AKAP9: variants seen among roughly 807,000 people sequenced by gnomAD.
AKAP9 encodes the protein A-kinase anchoring protein 9, also known as A-kinase anchor protein 9.
A neutral mutation model predicts 488.5 loss-of-function variants in AKAP9; 311 were observed. The ratio of observed to expected loss-of-function variants is 0.64; its 90% CI spans 0.58 to 0.70. The LOEUF is 0.70. Among genes scored for constraint, AKAP9 ranks in the 30% least tolerant of loss-of-function variants. AKAP9 has a pLI of 0.00. For missense variants in AKAP9, 4,215 were observed against 4,374.5 expected, an observed-to-expected ratio of 0.96 and a Z score of 1.03; for synonymous variants, 1,462 against 1,483.5, an observed-to-expected ratio of 0.99 and a Z score of 0.33.
chr7:91,959,120 A>G (rs1793404586), intron 1 of AKAP9, among the ~76,000 whole-genome samples: 1 of 152,096 alleles, frequency 6.6e-6, no homozygotes, highest in Non-Finnish European at 1.5e-5. Context: ...CCTGGGCTTA[A>G]GCAATATGCC....
rs1209178568 is a variant in AKAP9 at position 91,981,864 on chromosome 7, G to A, written c.351+1531G>A. On this transcript the variant is annotated intron_variant, in intron 3 of 49. Coordinates refer to ENST00000356239, the MANE Select transcript of AKAP9 (RefSeq NM_005751.5). Reference sequence around the variant, plus strand: ...CATGATCTACCCACCTCTGCCTCCCGAAGTGCTGGGATTACAGGTGTAAGC... The same window carrying A: ...CATGATCTACCCACCTCTGCCTCCCAAAGTGCTGGGATTACAGGTGTAAGC... Among the ~76,000 whole-genome samples the A allele has an allele frequency of 2.6e-5, 4 of 151,852 alleles. No individual in the cohort carries two copies. In the South Asian group the frequency reaches 8.3e-4, roughly 32 times the overall value.
chr7:92,083,254 A>G lies in AKAP9; in HGVS notation c.8245A>G (p.Ile2749Val). ...CGCAGAGGCAAAAGAGAAATTGTCC[A>G]TTTTAGAAAAAGAAGATGAGACTGA... ...HLAEAKEKLS[I>V]LEKEDETEVQ... Residue 2749 changes from isoleucine (I) to valine (V), a missense_variant, in exon 33 of 50, where the codon ATT (isoleucine) becomes GTT (valine). Physicochemically the swap from Ile to Val is conservative, Grantham distance 29. Around this residue, in one of 5 missense-constraint regions of AKAP9, gnomAD observed 1,476 missense variants for 1,477.4 expected, o/e 1.00. Transcript: ENST00000356239. 2.5e-6 allele frequency: 4 copies of G among 1,614,194 alleles called. No homozygotes were observed. Among genetic ancestry groups the G allele is most frequent in the African/African-American group, 1.3e-5 (1 of 75,062 alleles).
At chr7:92,052,374 G>T (rs2130804065) in intron 21 of AKAP9, among the ~76,000 whole-genome samples, 1 of 152,236 alleles carries the variant, frequency 6.6e-6, no homozygotes, top group African/African-American at 2.4e-5. Context: ...AAGGGTTGGA[G>T]CCAGATCTTG....
intron 2 of AKAP9, among the ~76,000 whole-genome samples, chr7:91,977,321 C>T (rs1046559084): frequency 2.3e-4 from 35 of 152,046 alleles, no homozygotes; most frequent in African/African-American, 7.7e-4. Flanking sequence ...CTTTGGGAGG[C>T]CAAGGCGGGC....
intron 39 of AKAP9, 69 bp from the exon 40 acceptor site, chr7:92,094,954 T>C (rs2130896147): frequency 6.8e-7 from 1 of 1,475,734 alleles, no homozygotes; most frequent in East Asian, 2.3e-5. Context: ...GTAGAAGCTG[T>C]TTTTCTCTCT....
At chr7:91,964,939 T>A (rs1161922884) in intron 1 of AKAP9, among the ~76,000 whole-genome samples, 1 of 152,204 alleles carries the variant, frequency 6.6e-6, no homozygotes, top group Non-Finnish European at 1.5e-5. Flanking sequence ...ATTTTGGGAA[T>A]ACATGTGATA....
At chr7:92,042,532 A>G (rs1806287100) in intron 19 of AKAP9, 136 bp from the exon 20 acceptor site, 2 of 666,482 alleles carry the variant, frequency 3.0e-6, no homozygotes, top group South Asian at 3.6e-5. Flanking sequence ...GTTAAATATT[A>G]TACCAACCAG....
chr7:91,970,191 G>GA (rs368972588), intron 1 of AKAP9, among the ~76,000 whole-genome samples: 13 of 150,474 alleles, frequency 8.6e-5, no homozygotes, highest in African/African-American at 1.2e-4. Context: ...GGAAACAAAA[G>GA]AAAAAAAAAC....
intron 9 of AKAP9, among the ~76,000 whole-genome samples, chr7:92,013,148 C>T (rs1049579033): frequency 8.6e-5 from 13 of 150,404 alleles, no homozygotes; most frequent in South Asian, 2.1e-4. Flanking sequence ...CCCGCCACTA[C>T]GCCCGGCTAA....
chr7:91,973,107 G>A (rs1795285807), intron 1 of AKAP9, among the ~76,000 whole-genome samples: 1 of 152,174 alleles, frequency 6.6e-6, no homozygotes, highest in Admixed American at 6.5e-5. Flanking sequence ...CAGCACACTG[G>A]CTCACGTCTG....
Position 92,083,480 on chromosome 7 carries a change from T to A in AKAP9, c.8471T>A (p.Phe2824Tyr). ...GAAGTTACTGAAATAATCAGTCAGT[T>A]TACTGAAAAAATTGAGAAGATGCAA... The part of the protein sequence containing the change: ...SEEVTEIISQ[F>Y]TEKIEKMQEL... Residue 2824 changes from phenylalanine (F) to tyrosine (Y), a missense_variant, in exon 33 of 50, where the codon TTT becomes TAT. By Grantham distance (22) the Phe-to-Tyr change is conservative. Transcript: ENST00000356239. The A allele has an allele frequency of 6.2e-7, 1 of 1,612,712 alleles. No homozygotes were observed. The highest frequency in any genetic ancestry group is 1.1e-5 in the South Asian group (1 of 90,714).
chr7:92,102,583 C>T lies in AKAP9; in HGVS notation c.11098-11C>T, dbSNP rs747706847. The T allele has an allele frequency of 1.1e-5, 17 of 1,610,328 alleles. No homozygotes were observed. Among genetic ancestry groups the T allele is most frequent in the South Asian group, 7.7e-5 (7 of 91,000 alleles). On this transcript the variant is annotated splice_polypyrimidine_tract_variant and intron_variant, in intron 45 of 49. Coordinates refer to ENST00000356239, the MANE Select transcript of AKAP9 (RefSeq NM_005751.5). ...TTAATGTCTTTACATTCTTCTCTTC[C>T]CTAAATATAGAGAATTTATGGTAAA... is the stretch of plus-strand genomic sequence containing the variant.
chr7:92,075,012 A>G (rs1007127317), intron 28 of AKAP9, among the ~76,000 whole-genome samples: 1 of 152,188 alleles, frequency 6.6e-6, no homozygotes, highest in Admixed American at 6.5e-5. Flanking sequence ...ATAATTTTTT[A>G]AAAAAGATTA....
chr7:91,987,700 A>G (rs879906668), intron 3 of AKAP9, among the ~76,000 whole-genome samples: 1 of 152,182 alleles, frequency 6.6e-6, no homozygotes, highest in Non-Finnish European at 1.5e-5. Context: ...CCATTTAATG[A>G]TATTAGACTG....
chr7:92,101,337 C>T (rs983769341), intron 45 of AKAP9, among the ~76,000 whole-genome samples: 10 of 151,738 alleles, frequency 6.6e-5, no homozygotes, highest in African/African-American at 2.4e-4. Context: ...AGCTACTGTC[C>T]CAGGCAGGAG....
chr7:92,060,144 A>C (rs1262612529), intron 22 of AKAP9, among the ~76,000 whole-genome samples: 1 of 152,002 alleles, frequency 6.6e-6, no homozygotes, highest in Non-Finnish European at 1.5e-5. Flanking sequence ...TCAGATGTGA[A>C]AAGTGGAAGT....
In AKAP9 at chr7:92,066,560, T is replaced by C. The variant is rs774729014; in HGVS notation, c.6330+14T>C. ...CAAACTAGAGAGGTAAGAACTTCAC[T>C]GATATTGCCCAACTTACAGTAATTT... On this transcript the variant is annotated intron_variant, in intron 26 of 49. Transcript: ENST00000356239. The C allele has an allele frequency of 3.1e-6, 5 of 1,613,066 alleles. No homozygotes were observed. Among genetic ancestry groups the C allele is most frequent in the Non-Finnish European group, 4.2e-6 (5 of 1,179,390 alleles).
intron 48 of AKAP9, chr7:92,108,014 G>T (rs1232598850): frequency 2.5e-4 from 31 of 126,096 alleles, no homozygotes; most frequent in Non-Finnish European, 4.5e-5. Context: ...GCAAGATTTG[G>T]TCTCCAAAAA....
At position 92,100,964 on chromosome 7, in the gene AKAP9, G is replaced by C; in HGVS notation, c.11005G>C (p.Ala3669Pro). 6.2e-7 allele frequency: 1 copy of C among 1,614,098 alleles called. No homozygotes were observed. The highest frequency in any genetic ancestry group is 8.5e-7 in the Non-Finnish European group (1 of 1,180,024). Residue 3669 changes from alanine (A) to proline (P), a missense_variant, in exon 45 of 50, where the codon GCA becomes CCA. By Grantham distance (27) the Ala-to-Pro change is conservative. Coordinates refer to ENST00000356239, the MANE Select transcript of AKAP9 (RefSeq NM_005751.5). ...KLTLQKSLKR[A>P]EAEVYKLKAE... Reference sequence around the variant, plus strand: ...GACTCTCCAGAAATCTTTGAAAAGGGCAGAGGCTGAAGTATACAAACTGAA... The same window carrying C: ...GACTCTCCAGAAATCTTTGAAAAGGCCAGAGGCTGAAGTATACAAACTGAA...
Sources: gnomAD v4.1 joint callset for allele counts (sites outside exome capture counted in the v4.1 genomes callset) on GRCh38, gnomAD v4.1.1 for gene constraint, gnomAD v4.1.1 regional missense constraint, MANE v1.5 for transcripts, NCBI Gene and HGNC (gene_info 2026-07-23, HGNC 2026-07-21) for gene names.